The following GALNTL6 variants were observed in gnomAD, a reference collection of about 807,000 sequenced individuals.
GALNTL6 encodes the protein polypeptide N-acetylgalactosaminyltransferase-like 6.
GALNTL6 carries 46 observed loss-of-function variants against 73.7 expected under a neutral mutation model. The observed-to-expected ratio is 0.62, with a 90% CI of 0.49 to 0.80. GALNTL6 has a LOEUF of 0.80. Ranked by LOEUF, GALNTL6 falls within the 30% of genes least tolerant of loss-of-function variation. The pLI is 0.00. For missense variants in GALNTL6, 604 were observed against 755.0 expected, an observed-to-expected ratio of 0.80 and a Z score of 2.34; for synonymous variants, 259 against 263.7, an observed-to-expected ratio of 0.98 and a Z score of 0.17.
intron 2 of GALNTL6, among the ~76,000 whole-genome samples, chr4:172,154,532 C>T (rs1734196987): frequency 6.6e-6 from 1 of 152,098 alleles, no homozygotes; most frequent in South Asian, 2.1e-4. Context: ...GTGCCAGGCT[C>T]TTCGTTTTAA....
At position 171,940,859 on chromosome 4, in the gene GALNTL6, AT is replaced by A. The variant is rs1249300849; in HGVS notation, c.138+126142del. Among the ~76,000 whole-genome samples the A allele has an allele frequency of 5.4e-3, 773 of 144,024 alleles. 5 individuals are homozygous for A. Among genetic ancestry groups the A allele is most frequent in the African/African-American group, 9.0e-3 (337 of 37,442 alleles). 94.5% of individuals were successfully genotyped at this position (144,024 alleles called of 152,430 possible). A position where few individuals can be genotyped will look rare whatever the true frequency, so the allele number is the denominator to read the frequency against. On this transcript the variant is annotated intron_variant, in intron 2 of 12. Transcript: ENST00000506823. ...AATAAATAAATAAATAAATAAATAA[AT>A]AAATATATAAGTCATGTATGCATTA...
At chr4:172,804,344 C>T (rs1043017170) in intron 5 of GALNTL6, among the ~76,000 whole-genome samples, 6 of 152,120 alleles carry the variant, frequency 3.9e-5, no homozygotes, top group Non-Finnish European at 7.4e-5. Context: ...AAGTATCACC[C>T]GTAATAACTA....
At chr4:172,603,556 C>T (rs534394464) in intron 5 of GALNTL6, among the ~76,000 whole-genome samples, 3 of 152,158 alleles carry the variant, frequency 2.0e-5, no homozygotes, top group Admixed American at 2.0e-4. Flanking sequence ...TATGAAAATA[C>T]TAAATGGGAA....
intron 3 of GALNTL6, among the ~76,000 whole-genome samples, chr4:172,308,496 G>C (rs1347731753): frequency 6.6e-6 from 1 of 152,052 alleles, no homozygotes; most frequent in Non-Finnish European, 1.5e-5. Flanking sequence ...TTACCTTGAG[G>C]TATGTCCCTT....
intron 3 of GALNTL6, among the ~76,000 whole-genome samples, chr4:172,290,046 T>A (rs1739408344): frequency 6.6e-6 from 1 of 152,206 alleles, no homozygotes; most frequent in Admixed American, 6.5e-5. Flanking sequence ...ATTTGGCCCT[T>A]TAGAGTGAAT....
At position 172,315,603 on chromosome 4, in the gene GALNTL6, T is replaced by C. The variant is rs186952646; in HGVS notation, c.386+3851T>C. 5.9e-5 allele frequency among the ~76,000 whole-genome samples: 9 copies of C among 152,372 alleles called. No individual in the cohort carries two copies. The East Asian group carries it at 1.7e-3, about 29-fold the overall frequency. The stretch of plus-strand genomic sequence containing the variant: ...CATATACTTGATGTATTTTAAATAC[T>C]CACTCCCTTCTTCTGTTAGTGCCAA... On this transcript the variant is annotated intron_variant, in intron 4 of 12. Coordinates refer to ENST00000506823, the MANE Select transcript of GALNTL6 (RefSeq NM_001034845.3).
At chr4:172,367,581 G>C (rs555855224) in intron 5 of GALNTL6, among the ~76,000 whole-genome samples, 6 of 152,154 alleles carry the variant, frequency 3.9e-5, no homozygotes, top group African/African-American at 1.4e-4. Context: ...GTAAAAAAAA[G>C]TGTTGCTTCT....
intron 5 of GALNTL6, among the ~76,000 whole-genome samples, chr4:172,731,816 G>C (rs544824283): frequency 6.6e-6 from 1 of 151,912 alleles, no homozygotes; most frequent in Admixed American, 6.6e-5. Flanking sequence ...CAAAAACATG[G>C]TTTTTTAAAT....
At chr4:171,965,431 C>A (rs545256987) in intron 2 of GALNTL6, among the ~76,000 whole-genome samples, 3 of 151,998 alleles carry the variant, frequency 2.0e-5, no homozygotes, top group African/African-American at 7.2e-5. Flanking sequence ...CCGAGGCGGG[C>A]GGATCACAAG....
At chr4:172,568,365 A>G (rs1736634694) in intron 5 of GALNTL6, among the ~76,000 whole-genome samples, 1 of 152,190 alleles carries the variant, frequency 6.6e-6, no homozygotes, top group African/African-American at 2.4e-5. Context: ...AGCAGCACAA[A>G]GGCCTGACCT....
chr4:172,547,165 G>T (rs185445049), intron 5 of GALNTL6, among the ~76,000 whole-genome samples: 1 of 152,150 alleles, frequency 6.6e-6, no homozygotes, highest in African/African-American at 2.4e-5. Context: ...TTGGGAATCA[G>T]TTGCCTCAAA....
intron 3 of GALNTL6, among the ~76,000 whole-genome samples, chr4:172,274,558 G>A (rs1303803333): frequency 6.6e-6 from 1 of 152,100 alleles, no homozygotes; most frequent in Non-Finnish European, 1.5e-5. Context: ...TCATCCCAGA[G>A]CATCAGAGTG....
chr4:172,817,106 CAAAAAAAAAAAAAAAA>C (rs368595063), intron 7 of GALNTL6, among the ~76,000 whole-genome samples: 1,900 of 74,494 alleles, frequency 0.026, 38 homozygotes, highest in African/African-American at 0.08. Flanking sequence ...ACTCCGTCTC[CAAAAAAAAAAAAAAAA>C]AGAAAGGAAG....
intron 2 of GALNTL6, among the ~76,000 whole-genome samples, chr4:172,039,055 T>C (rs755655697): frequency 2.0e-5 from 3 of 152,228 alleles, no homozygotes; most frequent in Non-Finnish European, 2.9e-5. Flanking sequence ...TATTTCATGA[T>C]CAGGCTCCAC....
At chr4:172,129,869 G>A (rs1212030934) in intron 2 of GALNTL6, among the ~76,000 whole-genome samples, 2 of 152,198 alleles carry the variant, frequency 1.3e-5, no homozygotes, top group East Asian at 1.9e-4. Flanking sequence ...CATTCCAGGG[G>A]TTGCCAATTT....
intron 2 of GALNTL6, among the ~76,000 whole-genome samples, chr4:172,004,380 G>A (rs1234823479): frequency 6.6e-6 from 1 of 151,954 alleles, no homozygotes; most frequent in African/African-American, 2.4e-5. Flanking sequence ...AATGATACAG[G>A]GTTGGAATTT....
intron 5 of GALNTL6, among the ~76,000 whole-genome samples, chr4:172,487,577 G>A (rs927709683): frequency 5.3e-5 from 8 of 151,606 alleles, no homozygotes; most frequent in Non-Finnish European, 7.4e-5. Context: ...TAGTAGAGAC[G>A]GAGTTTCACC....
At chr4:172,126,038 A>G (rs1306289121) in intron 2 of GALNTL6, among the ~76,000 whole-genome samples, 2 of 151,450 alleles carry the variant, frequency 1.3e-5, no homozygotes, top group Admixed American at 1.3e-4. Context: ...ACACTTAAAA[A>G]CTTCTTTTCT....
At chr4:172,048,953 T>C (rs1742293047) in intron 2 of GALNTL6, among the ~76,000 whole-genome samples, 1 of 152,132 alleles carries the variant, frequency 6.6e-6, no homozygotes. Flanking sequence ...CCTAGAATGA[T>C]AGTTTATAAT....
Sources: allele counts gnomAD v4.1 joint callset (sites outside exome capture counted in the v4.1 genomes callset), GRCh38; gene constraint gnomAD v4.1.1; transcripts MANE v1.5; gene names NCBI Gene and HGNC (gene_info 2026-07-23, HGNC 2026-07-21).